The following IQCH variants were observed in gnomAD, a reference collection of about 807,000 sequenced individuals.
The protein encoded by IQCH is IQ motif containing H.
IQCH carries 98 observed loss-of-function variants against 117.0 expected under a neutral mutation model. That is an observed-to-expected ratio of 0.84 (90% CI 0.71 to 0.99). IQCH has a LOEUF of 0.99. IQCH is among the 50% of genes least tolerant of loss of function. The pLI is 0.00. For synonymous variants in IQCH, 412 were observed against 448.2 expected (o/e 0.92, Z 1.02); for missense variants, 1,102 against 1,243.8 (o/e 0.89, Z 1.72).
At chr15:67,489,934 A>C in intron 18 of IQCH, 69 bp from the exon 19 acceptor site, 1 of 1,051,884 alleles carries the variant, frequency 9.5e-7, no homozygotes, top group South Asian at 1.3e-5. Context: ...TTTCTGTGCC[A>C]GTAACATTTT....
chr15:67,297,379 A>G (rs765526617), intron 4 of IQCH, among the ~76,000 whole-genome samples: 6 of 152,154 alleles, frequency 3.9e-5, no homozygotes, highest in Non-Finnish European at 8.8e-5. Context: ...ATTTTTGGCA[A>G]AGTCTTTGAA....
At chr15:67,310,210 A>G (rs1435785761) in intron 4 of IQCH, among the ~76,000 whole-genome samples, 5 of 152,132 alleles carry the variant, frequency 3.3e-5, no homozygotes, top group Non-Finnish European at 7.4e-5. Context: ...CATTTTAAGT[A>G]TAATAAAGAA....
At chr15:67,268,339 T>G (rs16950805) in intron 3 of IQCH, among the ~76,000 whole-genome samples, 31,880 of 152,190 alleles carry the variant, frequency 0.21, 4,068 homozygotes, top group East Asian at 0.47. Flanking sequence ...GCTTTTGTAT[T>G]GTTTTCAAAA....
At chr15:67,341,073 G>A (rs1297744161) in intron 5 of IQCH, among the ~76,000 whole-genome samples, 2 of 152,320 alleles carry the variant, frequency 1.3e-5, no homozygotes, top group African/African-American at 4.8e-5. Context: ...AATGAGCCGG[G>A]TATGGTGGTG....
intron 4 of IQCH, among the ~76,000 whole-genome samples, chr15:67,329,232 G>A (rs747171433): frequency 2.2e-4 from 34 of 151,412 alleles, no homozygotes; most frequent in Non-Finnish European, 4.4e-5. Flanking sequence ...CCAGGAGGTC[G>A]AGGCTGTAGT....
intron 4 of IQCH, among the ~76,000 whole-genome samples, chr15:67,330,843 A>C (rs1968635773): frequency 6.6e-6 from 1 of 152,184 alleles, no homozygotes; most frequent in Non-Finnish European, 1.5e-5. Context: ...CTAAGTAAGC[A>C]AGCCCTGATG....
chr15:67,310,373 T>C (rs1269118470), intron 4 of IQCH, among the ~76,000 whole-genome samples: 2 of 151,984 alleles, frequency 1.3e-5, no homozygotes, highest in African/African-American at 4.8e-5. Flanking sequence ...GGGTGTAGCT[T>C]TGTACTAGTC....
intron 14 of IQCH, among the ~76,000 whole-genome samples, chr15:67,400,607 T>G (rs759504227): frequency 2.0e-5 from 3 of 151,328 alleles, no homozygotes; most frequent in Non-Finnish European, 4.4e-5. Context: ...ACCTCAGCCT[T>G]CTGAGTAGTG....
At chr15:67,477,436 G>C (rs2083233546) in intron 18 of IQCH, among the ~76,000 whole-genome samples, 1 of 152,204 alleles carries the variant, frequency 6.6e-6, no homozygotes, top group Non-Finnish European at 1.5e-5. Flanking sequence ...GCAATCCCCA[G>C]CAGGCTGCCA....
intron 4 of IQCH, among the ~76,000 whole-genome samples, chr15:67,321,242 AGCT>A (rs948468047): frequency 1.1e-4 from 16 of 152,174 alleles, no homozygotes; most frequent in African/African-American, 3.1e-4. Flanking sequence ...CGCTTCAGAT[AGCT>A]GCTATGTGTT....
chr15:67,420,139 T>A (rs187478541), intron 15 of IQCH, among the ~76,000 whole-genome samples: 1 of 152,162 alleles, frequency 6.6e-6, no homozygotes, highest in African/African-American at 2.4e-5. Context: ...ACAAACCAAA[T>A]AGAAAAATTA....
Position 67,359,687 on chromosome 15 carries a change from GTCTT to G in IQCH, c.715-156_715-153del, listed in dbSNP as rs1037371468. The stretch of plus-strand genomic sequence containing the variant: ...GAGCATCGTTGTCAGTGTGGGAAAG[GTCTT>G]TCTAATTATTAGCTCCTGCCTGCGT... On this transcript the variant is annotated intron_variant, in intron 7 of 20. Coordinates refer to ENST00000335894, the MANE Select transcript of IQCH (RefSeq NM_001031715.3). The surrounding 1 kb of genome is among the most constrained non-coding windows in gnomAD (Gnocchi z 4.5). 5.9e-5 allele frequency among the ~76,000 whole-genome samples: 9 copies of G among 152,332 alleles called. No individual in the cohort carries two copies. The highest frequency in any genetic ancestry group is 2.0e-4 in the Admixed American group (3 of 15,306).
chr15:67,287,811 T>C (rs1321211726), intron 4 of IQCH, among the ~76,000 whole-genome samples: 1 of 152,042 alleles, frequency 6.6e-6, no homozygotes, highest in Non-Finnish European at 1.5e-5. Flanking sequence ...ATTTTCTAGT[T>C]CTTTAAGATG....
intron 4 of IQCH, among the ~76,000 whole-genome samples, chr15:67,295,647 A>G (rs143697763): frequency 0.011 from 1,619 of 152,266 alleles, 14 homozygotes; most frequent in Non-Finnish European, 0.014. Context: ...CTTCAGGTAC[A>G]TGAGAGGACT....
At chr15:67,309,526 A>G (rs144127234) in intron 4 of IQCH, among the ~76,000 whole-genome samples, 230 of 152,110 alleles carry the variant, frequency 1.5e-3, no homozygotes, top group African/African-American at 5.3e-3. Flanking sequence ...CTGAAGCTAT[A>G]TAGACTGATG....
Position 67,443,656 on chromosome 15 carries a change from T to C in IQCH, c.2506-21471T>C, listed in dbSNP as rs983965593. 1.3e-5 allele frequency among the ~76,000 whole-genome samples: 2 copies of C among 152,242 alleles called. No homozygotes were observed. The highest frequency in any genetic ancestry group is 6.5e-5 in the Admixed American group (1 of 15,288). On this transcript the variant is annotated intron_variant, in intron 16 of 20. Coordinates refer to ENST00000335894, the MANE Select transcript of IQCH (RefSeq NM_001031715.3). This position sits in a 1 kb window ranked among gnomAD's most constrained non-coding sequence, Gnocchi z 5.0. Reference sequence around the variant, plus strand: ...CCTACAATTTGCTTTTCCTTTTTTCTCTGCTGATATACAACTTCGCTTCCT... The same window carrying C: ...CCTACAATTTGCTTTTCCTTTTTTCCCTGCTGATATACAACTTCGCTTCCT...
At chr15:67,492,285 C>A (rs1338795890) in intron 19 of IQCH, among the ~76,000 whole-genome samples, 1 of 152,130 alleles carries the variant, frequency 6.6e-6, no homozygotes, top group Non-Finnish European at 1.5e-5. Flanking sequence ...GAAATCAGAA[C>A]CTAGAGATAT....
chr15:67,268,165 T>C (rs1965754871), intron 3 of IQCH, among the ~76,000 whole-genome samples: 1 of 152,184 alleles, frequency 6.6e-6, no homozygotes, highest in African/African-American at 2.4e-5. Flanking sequence ...AAAGATAATT[T>C]TCCTTTTTAG....
intron 10 of IQCH, among the ~76,000 whole-genome samples, chr15:67,378,104 T>C (rs1327196384): frequency 2.0e-5 from 3 of 152,136 alleles, no homozygotes; most frequent in Non-Finnish European, 1.5e-5. Context: ...TATGAGACTC[T>C]TGCTTCCTAA....
Sources: gnomAD v4.1 joint callset for allele counts (sites outside exome capture counted in the v4.1 genomes callset) on GRCh38, gnomAD v4.1.1 for gene constraint, Gnocchi (gnomAD v3.1) non-coding constraint, MANE v1.5 for transcripts, NCBI Gene and HGNC (gene_info 2026-07-23, HGNC 2026-07-21) for gene names.